Variants in CHRM3 observed in about 807,000 individuals in gnomAD.
The protein encoded by CHRM3 is cholinergic receptor muscarinic 3, also known as muscarinic acetylcholine receptor M3.
In CHRM3, 11 loss-of-function variants were observed where a neutral mutation model predicts 41.8. The observed-to-expected ratio is 0.26, with a 90% CI of 0.17 to 0.44. The LOEUF is 0.44. CHRM3 is among the 20% of genes least tolerant of loss of function. The pLI is 1.00. For missense variants in CHRM3, 571 were observed against 745.4 expected (o/e 0.77, Z 2.72); for synonymous variants, 297 against 301.4 (o/e 0.99, Z 0.15).
intron 1 of CHRM3, among the ~76,000 whole-genome samples, chr1:239,435,828 T>C (rs1663218308): frequency 6.6e-6 from 1 of 152,130 alleles, no homozygotes; most frequent in Non-Finnish European, 1.5e-5. Context: ...TTTTGCACTA[T>C]TGGGCAAAAT....
chr1:239,680,108 C>T (rs1225097354), intron 5 of CHRM3, among the ~76,000 whole-genome samples: 2 of 152,140 alleles, frequency 1.3e-5, no homozygotes, highest in African/African-American at 4.8e-5. Context: ...ACATACATCA[C>T]TTCCTCATCT....
chr1:239,593,005 T>C (rs1486014458), intron 3 of CHRM3, among the ~76,000 whole-genome samples: 3 of 152,082 alleles, frequency 2.0e-5, no homozygotes, highest in Admixed American at 2.0e-4. Flanking sequence ...TCACCTATCA[T>C]CCTTTACACC....
At chr1:239,846,731 C>T (rs991600814) in intron 6 of CHRM3, among the ~76,000 whole-genome samples, 1 of 152,126 alleles carries the variant, frequency 6.6e-6, no homozygotes, top group Non-Finnish European at 1.5e-5. Flanking sequence ...GAAACAGTGA[C>T]TCAATGAAAC....
chr1:239,515,883 AGTCTCTG>A (rs1436299848), intron 2 of CHRM3, among the ~76,000 whole-genome samples: 1 of 152,234 alleles, frequency 6.6e-6, no homozygotes, highest in African/African-American at 2.4e-5. Flanking sequence ...CTCAGTAAAA[AGTCTCTG>A]AACTTCTTAG....
chr1:239,472,778 G>T (rs1001326294), intron 1 of CHRM3, among the ~76,000 whole-genome samples: 2 of 152,106 alleles, frequency 1.3e-5, no homozygotes, highest in African/African-American at 4.8e-5. Context: ...ATGCATGCTG[G>T]ACTTAGTACC....
At chr1:239,629,224 G>A (rs973790907) in intron 3 of CHRM3, 24 of 143,890 alleles carry the variant, frequency 1.7e-4, no homozygotes, top group African/African-American at 6.3e-4. Flanking sequence ...TCTTAAGCTG[G>A]TCTGAAAAGC....
intron 1 of CHRM3, among the ~76,000 whole-genome samples, chr1:239,413,108 A>AG (rs1661234187): frequency 6.7e-6 from 1 of 148,976 alleles, no homozygotes; most frequent in African/African-American, 2.5e-5. Flanking sequence ...AAAAAAAAAG[A>AG]TAAATCAGAG....
rs139035670 is a variant in CHRM3 at position 239,564,966 on chromosome 1, G to C, written c.-313+19217G>C. Among the ~76,000 whole-genome samples the C allele has an allele frequency of 2.0e-3, 298 of 152,262 alleles. 1 individual carries two copies. Among genetic ancestry groups the C allele is most frequent in the African/African-American group, 6.9e-3 (286 of 41,562 alleles). Reference sequence around the variant, plus strand: ...CTTTTAACAGGGCTGTGCTGTCCCCGGAGGCTCCAGGGGAGAATCCTTTCC... The same window carrying C: ...CTTTTAACAGGGCTGTGCTGTCCCCCGAGGCTCCAGGGGAGAATCCTTTCC... On this transcript the variant is annotated intron_variant, in intron 3 of 6. Coordinates refer to ENST00000676153, the MANE Select transcript of CHRM3 (RefSeq NM_001375978.1).
intron 6 of CHRM3, among the ~76,000 whole-genome samples, chr1:239,834,363 A>T (rs889148910): frequency 5.3e-5 from 7 of 131,130 alleles, no homozygotes; most frequent in Admixed American, 2.7e-4. Context: ...CCCAGGCTGG[A>T]GTGCGATGGC....
At position 239,908,380 on chromosome 1, in the gene CHRM3, G is replaced by A. The variant is rs200806862; in HGVS notation, c.929G>A (p.Arg310His). Residue 310 changes from arginine (R) to histidine (H), a missense_variant, in exon 7 of 7, where the codon CGC (arginine) becomes CAC (histidine). Physicochemically the swap from Arg to His is conservative, Grantham distance 29 (BLOSUM62 0). Around this residue, in one of 5 missense-constraint regions of CHRM3, gnomAD observed 239 missense variants for 239.6 expected, o/e 1.00. Coordinates refer to ENST00000676153, the MANE Select transcript of CHRM3 (RefSeq NM_001375978.1). The surrounding 1 kb of genome is among the most constrained non-coding windows in gnomAD (Gnocchi z 7.2). ...CGCTCCAACAGGAGGAAGTATGGCC[G>A]CTGCCACTTCTGGTTCACAACCAAG... is the stretch of plus-strand genomic sequence containing the variant. The part of the protein sequence containing the change: ...MKRSNRRKYG[R>H]CHFWFTTKSW... 4.2e-5 allele frequency: 68 copies of A among 1,613,942 alleles called. 1 individual carries two copies. Among genetic ancestry groups the A allele is most frequent in the East Asian group, 3.1e-4 (14 of 44,832 alleles).
intron 2 of CHRM3, among the ~76,000 whole-genome samples, chr1:239,540,118 CACA>C (rs367903489): frequency 8.9e-4 from 136 of 152,208 alleles, no homozygotes; most frequent in African/African-American, 3.2e-3. Flanking sequence ...ATGACGTTTG[CACA>C]ACAAGGAAGT....
At chr1:239,518,152 G>A (rs1227691082) in intron 2 of CHRM3, among the ~76,000 whole-genome samples, 3 of 152,084 alleles carry the variant, frequency 2.0e-5, no homozygotes. Context: ...ATTTCCACAC[G>A]TTTTAATTTA....
At position 239,907,543 on chromosome 1, in the gene CHRM3, CG is replaced by C. The variant is rs750255442; in HGVS notation, c.95del (p.Gly32GlufsTer43). On this transcript the variant is annotated frameshift_variant, in exon 7 of 7. Transcript: ENST00000676153. LOFTEE classifies it high-confidence loss of function. This position sits in a 1 kb window ranked among gnomAD's most constrained non-coding sequence, Gnocchi z 5.4. ...AGCCCCTCCGATGCAGGGCTGCCCCCGGGAACCGTCACTCATTTCGGCAGCT... is the reference window on the plus strand; with the variant it reads ...AGCCCCTCCGATGCAGGGCTGCCCCCGGAACCGTCACTCATTTCGGCAGCT... Reference protein sequence around the residue: ...IHSPSDAGLPPGTVTHFGSYN... With the variant: ...IHSPSDAGLPXGTVTHFGSYN... The C allele has an allele frequency of 6.2e-7, 1 of 1,614,170 alleles. No individual in the cohort carries two copies.
At chr1:239,835,325 C>T (rs7548522) in intron 6 of CHRM3, among the ~76,000 whole-genome samples, 6,269 of 152,294 alleles carry the variant, frequency 0.041, 184 homozygotes, top group Admixed American at 0.078. Flanking sequence ...CTTATTCCTT[C>T]CTTCAATGAG....
intron 5 of CHRM3, among the ~76,000 whole-genome samples, chr1:239,739,032 T>C (rs1189198797): frequency 6.6e-6 from 1 of 152,196 alleles, no homozygotes; most frequent in Non-Finnish European, 1.5e-5. Context: ...GTTTTGTTAA[T>C]GCTCACTACA....
intron 6 of CHRM3, among the ~76,000 whole-genome samples, chr1:239,903,819 A>T (rs763520692): frequency 6.6e-6 from 1 of 152,190 alleles, no homozygotes; most frequent in Non-Finnish European, 1.5e-5. Flanking sequence ...TCAAATCTCC[A>T]AATCAACCCT....
At chr1:239,837,218 C>A in intron 6 of CHRM3, among the ~76,000 whole-genome samples, 1 of 151,908 alleles carries the variant, frequency 6.6e-6, no homozygotes, top group East Asian at 1.9e-4. Context: ...TCTTTCATTT[C>A]CATGCTTGCC....
intron 5 of CHRM3, among the ~76,000 whole-genome samples, chr1:239,744,051 C>T (rs75372521): frequency 1.3e-5 from 2 of 150,054 alleles, no homozygotes; most frequent in East Asian, 3.9e-4. Flanking sequence ...CTCAAGAAAT[C>T]CTTCCACCTA....
chr1:239,397,696 TA>T (rs1659611373), intron 1 of CHRM3, among the ~76,000 whole-genome samples: 1 of 147,510 alleles, frequency 6.8e-6, no homozygotes, highest in Non-Finnish European at 1.5e-5. Context: ...TTTATATATA[TA>T]TATATATATT....
Sources: allele counts gnomAD v4.1 joint callset (sites outside exome capture counted in the v4.1 genomes callset), GRCh38; gene constraint gnomAD v4.1.1; regional missense constraint gnomAD v4.1.1; non-coding constraint Gnocchi (gnomAD v3.1); transcripts MANE v1.5; gene names NCBI Gene and HGNC (gene_info 2026-07-23, HGNC 2026-07-21).